DIP2C: variants seen among roughly 807,000 people sequenced by gnomAD.
DIP2C encodes the protein disco-interacting protein 2 homolog C.
Under a neutral mutation model 192.4 loss-of-function variants are expected in DIP2C, and 33 were observed. The ratio of observed to expected loss-of-function variants is 0.17; its 90% CI spans 0.13 to 0.23. DIP2C has a LOEUF of 0.23. Ranked by LOEUF, DIP2C falls within the 10% of genes least tolerant of loss-of-function variation. The pLI, the probability that DIP2C is intolerant of heterozygous loss-of-function variation, is 1.00. For missense variants in DIP2C, 1,537 were observed against 2,110.1 expected (o/e 0.73, Z 5.32); for synonymous variants, 979 against 864.1 (o/e 1.13, Z -2.33).
chr10:610,988 GCTTT>G (rs886172188), intron 1 of DIP2C, among the ~76,000 whole-genome samples: 4 of 149,130 alleles, frequency 2.7e-5, no homozygotes, highest in Non-Finnish European at 4.5e-5. Flanking sequence ...TCACGGGGGT[GCTTT>G]CTAACCCCCC....
chr10:343,818 G>T (rs970822240), intron 28 of DIP2C, among the ~76,000 whole-genome samples: 5 of 152,202 alleles, frequency 3.3e-5, no homozygotes, highest in African/African-American at 9.7e-5. Flanking sequence ...TAAATACCGA[G>T]AGCTTGTGAT....
chr10:536,932 TATC>T (rs1376445618), intron 1 of DIP2C, among the ~76,000 whole-genome samples: 8 of 152,154 alleles, frequency 5.3e-5, no homozygotes, highest in East Asian at 1.9e-4. Context: ...TCCCAGAACT[TATC>T]ATCCCTGCCG....
At chr10:425,047 G>A (rs879594013) in intron 4 of DIP2C, among the ~76,000 whole-genome samples, 250 of 119,996 alleles carry the variant, frequency 2.1e-3, no homozygotes, top group East Asian at 5.2e-3. Context: ...CATGACCAGC[G>A]GTGACTAATA....
At chr10:612,631 G>T (rs1405943461) in intron 1 of DIP2C, among the ~76,000 whole-genome samples, 1 of 152,116 alleles carries the variant, frequency 6.6e-6, no homozygotes, top group Non-Finnish European at 1.5e-5. Flanking sequence ...GCTGGAGATG[G>T]GATCCCAGGT....
chr10:399,402 G>A (rs1012242568), intron 9 of DIP2C, among the ~76,000 whole-genome samples, 183 bp from the exon 10 acceptor site: 2 of 152,174 alleles, frequency 1.3e-5, no homozygotes, highest in Non-Finnish European at 2.9e-5. Context: ...TCATATAGAA[G>A]ACAAACGTGA....
intron 18 of DIP2C, 81 bp downstream of exon 18, chr10:369,405 CGGGAACGT>C (rs1209807032): frequency 1.2e-5 from 17 of 1,450,296 alleles, no homozygotes; most frequent in Admixed American, 2.6e-5. Flanking sequence ...CACGGGAACG[CGGGAACGT>C]GGGAACGCAG....
intron 3 of DIP2C, among the ~76,000 whole-genome samples, chr10:454,326 T>C (rs1028865765): frequency 3.3e-5 from 5 of 152,216 alleles, no homozygotes; most frequent in African/African-American, 4.8e-5. Flanking sequence ...TTAACTAAAA[T>C]ACATTTAACA....
intron 3 of DIP2C, among the ~76,000 whole-genome samples, chr10:450,085 C>T (rs1968732838): frequency 1.3e-5 from 2 of 152,314 alleles, no homozygotes; most frequent in Admixed American, 6.5e-5. Flanking sequence ...CTCTGATTCA[C>T]GGACGTTTCT....
At chr10:654,234 G>A (rs1412007278) in intron 1 of DIP2C, among the ~76,000 whole-genome samples, 1 of 152,186 alleles carries the variant, frequency 6.6e-6, no homozygotes, top group African/African-American at 2.4e-5. Context: ...CTGATCTCAT[G>A]CTAATCAGTG....
chr10:492,499 A>AT (rs1438981974), intron 1 of DIP2C, among the ~76,000 whole-genome samples: 1 of 152,274 alleles, frequency 6.6e-6, no homozygotes. Flanking sequence ...AGCCTGCACT[A>AT]GGATTCATAC....
intron 3 of DIP2C, among the ~76,000 whole-genome samples, chr10:456,296 CATGAGGAGTAAATGAGATGAAAA>C (rs1969287486): frequency 1.0e-5 from 1 of 97,718 alleles, no homozygotes; most frequent in African/African-American, 5.7e-5. Flanking sequence ...GAGGGGAGGC[CATGAGGAGTAAATGAGATGAAAA>C]CACTCTGCAG....
At chr10:297,241 TACACACACACACAC>T (rs140637166) in intron 32 of DIP2C, among the ~76,000 whole-genome samples, 37 of 115,624 alleles carry the variant, frequency 3.2e-4, no homozygotes, top group South Asian at 1.4e-3. Flanking sequence ...CCCCACCACA[TACACACACACACAC>T]ACACACACAC....
chr10:342,108 T>C (rs1419993518), intron 28 of DIP2C, among the ~76,000 whole-genome samples: 1 of 152,092 alleles, frequency 6.6e-6, no homozygotes, highest in Non-Finnish European at 1.5e-5. Context: ...ATTGAAATAG[T>C]GCGTTTGAAC....
chr10:355,662 G>A (rs569773909), intron 24 of DIP2C, among the ~76,000 whole-genome samples: 6 of 152,214 alleles, frequency 3.9e-5, no homozygotes, highest in African/African-American at 9.6e-5. Flanking sequence ...TAAGTACTAC[G>A]GTGGAACAAT....
chr10:651,394 G>C lies in DIP2C; in HGVS notation c.85+38100C>G, dbSNP rs1855892647. On this transcript the variant is annotated intron_variant, in intron 1 of 36. Transcript: ENST00000280886. This position sits in a 1 kb window ranked among gnomAD's most constrained non-coding sequence, Gnocchi z 4.1. ...CCCAGGGAGGCCCCAGCAAACTGTG[G>C]AACAACCAAACTCGTGACTGAATGA... The C allele has an allele frequency of 1.0e-5, 7 of 700,316 alleles. No individual in the cohort carries two copies. The Admixed American group carries it at 1.4e-4, about 14-fold the overall frequency. The allele number at this position is 700,316 out of a possible 1,614,324, so 43.4% of individuals were successfully genotyped here. A position where few individuals can be genotyped will look rare whatever the true frequency, so the allele number is the denominator to read the frequency against.
At chr10:302,147 T>C (rs1332599871) in intron 32 of DIP2C, among the ~76,000 whole-genome samples, 1 of 152,140 alleles carries the variant, frequency 6.6e-6, no homozygotes, top group African/African-American at 2.4e-5. Context: ...ATACACATAA[T>C]TGTATATCCA....
At chr10:365,860 G>A (rs371624168) in intron 19 of DIP2C, among the ~76,000 whole-genome samples, 7 of 152,308 alleles carry the variant, frequency 4.6e-5, no homozygotes, top group East Asian at 3.9e-4. Context: ...CCGAGGAGCC[G>A]TAAAGGGGCT....
intron 1 of DIP2C, among the ~76,000 whole-genome samples, chr10:565,559 GACT>G (rs1336929879): frequency 6.6e-6 from 1 of 152,094 alleles, no homozygotes; most frequent in South Asian, 2.1e-4. Context: ...ATTTTCCACA[GACT>G]ACTAACCCAA....
chr10:319,358 C>G (rs1381595406), intron 31 of DIP2C, among the ~76,000 whole-genome samples: 1 of 152,196 alleles, frequency 6.6e-6, no homozygotes, highest in Non-Finnish European at 1.5e-5. Context: ...AAGCTGCCCT[C>G]TCAGATAAAT....
Sources: allele counts gnomAD v4.1 joint callset (sites outside exome capture counted in the v4.1 genomes callset), GRCh38; gene constraint gnomAD v4.1.1; non-coding constraint Gnocchi (gnomAD v3.1); transcripts MANE v1.5; gene names NCBI Gene and HGNC (gene_info 2026-07-23, HGNC 2026-07-21).